The following CALN1 variants were observed in gnomAD, a reference collection of about 807,000 sequenced individuals.
CALN1 encodes the protein calneuron 1.
A neutral mutation model predicts 30.6 loss-of-function variants in CALN1; 17 were observed. That is an observed-to-expected ratio of 0.56 (90% CI 0.38 to 0.83). The LOEUF (loss-of-function observed/expected upper bound fraction) is 0.83, where lower values mean the gene tolerates loss of function less well. Among genes scored for constraint, CALN1 ranks in the 40% least tolerant of loss-of-function variants. CALN1 has a pLI of 0.00. For missense variants in CALN1, 291 were observed against 354.9 expected (o/e 0.82, Z 1.45); for synonymous variants, 156 against 131.4 (o/e 1.19, Z -1.28).
At chr7:72,100,966 G>T (rs1474539367) in intron 4 of CALN1, among the ~76,000 whole-genome samples, 1 of 151,538 alleles carries the variant, frequency 6.6e-6, no homozygotes, top group East Asian at 1.9e-4. Context: ...ATTTTTGTTT[G>T]TTTTGTTTGT....
At chr7:72,350,731 T>C (rs572156159) in intron 2 of CALN1, among the ~76,000 whole-genome samples, 4 of 152,174 alleles carry the variant, frequency 2.6e-5, no homozygotes, top group African/African-American at 7.2e-5. Context: ...CTTGCAAGAC[T>C]CAATTTACCT....
chr7:72,389,777 G>A (rs970347410), intron 2 of CALN1, among the ~76,000 whole-genome samples: 1 of 151,842 alleles, frequency 6.6e-6, no homozygotes, highest in Non-Finnish European at 1.5e-5. Context: ...AAATTAGCTA[G>A]GCACAGTGGT....
At chr7:71,967,296 G>A (rs1464867376) in intron 5 of CALN1, among the ~76,000 whole-genome samples, 2 of 151,912 alleles carry the variant, frequency 1.3e-5, no homozygotes, top group South Asian at 2.1e-4. Flanking sequence ...ATGAACACAC[G>A]AGATATAATA....
At chr7:72,493,028 T>C in the CALN1 span, among the ~76,000 whole-genome samples, 2 of 152,130 alleles carry the variant, frequency 1.3e-5, no homozygotes, top group East Asian at 3.9e-4. Flanking sequence ...AGTCCAGTGG[T>C]TTTTAGAATA....
chr7:72,088,438 C>T (rs376414957), intron 4 of CALN1, among the ~76,000 whole-genome samples: 23 of 152,200 alleles, frequency 1.5e-4, no homozygotes, highest in African/African-American at 5.5e-4. Flanking sequence ...GTGGCTCACA[C>T]CTGTAATCCC....
intron 1 of CALN1, among the ~76,000 whole-genome samples, chr7:72,408,994 T>C (rs542412690): frequency 1.3e-5 from 2 of 150,460 alleles, no homozygotes; most frequent in African/African-American, 5.0e-5. Flanking sequence ...ATACTTTTTT[T>C]GGGGCAGGGG....
chr7:71,902,269 C>CAA (rs78143653), intron 5 of CALN1, among the ~76,000 whole-genome samples: 5 of 65,218 alleles, frequency 7.7e-5, no homozygotes, highest in South Asian at 3.6e-4. Flanking sequence ...ACCAACCAAT[C>CAA]AAAAAAAAAA....
At chr7:72,169,025 C>T (rs879359385) in intron 3 of CALN1, among the ~76,000 whole-genome samples, 1 of 151,514 alleles carries the variant, frequency 6.6e-6, no homozygotes, top group African/African-American at 2.4e-5. Context: ...AGGCTGGTCT[C>T]GAACTCCTGA....
Position 71,941,920 on chromosome 7 carries a change from T to A in CALN1, c.501+81737A>T, listed in dbSNP as rs1371150740. ...AGGGACATAAAAAAGTCAACTGGGC[T>A]GGGCCCGGTAGCTCACGCCTGTAAT... On this transcript the variant is annotated intron_variant, in intron 5 of 6. Coordinates refer to ENST00000395275, the MANE Select transcript of CALN1 (RefSeq NM_031468.4). Among the ~76,000 whole-genome samples, 4 of 152,116 alleles carry A rather than the reference T, an allele frequency of 2.6e-5. No homozygotes were observed. In the East Asian group the frequency reaches 7.7e-4, roughly 29 times the overall value.
rs56041427 is a variant in CALN1 at position 71,851,208 on chromosome 7, A to AACACACACACAC, written c.502-40728_502-40717dup. Among the ~76,000 whole-genome samples the AACACACACACAC allele has an allele frequency of 3.2e-3, 426 of 132,164 alleles. 3 individuals are homozygous for AACACACACACAC. The highest frequency in any genetic ancestry group is 5.0e-3 in the Admixed American group (63 of 12,564). The allele number at this position is 132,164 out of a possible 152,430, so 86.7% of individuals were successfully genotyped here. A position where few individuals can be genotyped will look rare whatever the true frequency, so the allele number is the denominator to read the frequency against. On this transcript the variant is annotated intron_variant, in intron 5 of 6. Transcript: ENST00000395275. ...GGCGACAGAGAGAGACCTTGTCTCA[A>AACACACACACAC]ACACACACACACACACACACACACA...
chr7:72,137,074 C>T (rs376912486), intron 3 of CALN1, among the ~76,000 whole-genome samples: 6 of 152,248 alleles, frequency 3.9e-5, no homozygotes, highest in East Asian at 3.9e-4. Context: ...GCCCTTCTCT[C>T]TTACACACTA....
At chr7:72,353,738 G>A (rs1209687248) in intron 2 of CALN1, among the ~76,000 whole-genome samples, 2 of 152,094 alleles carry the variant, frequency 1.3e-5, no homozygotes, top group Non-Finnish European at 2.9e-5. Context: ...AATGCATCCC[G>A]ATTGGTAAGT....
At chr7:71,813,153 T>C (rs769380647) in intron 5 of CALN1, among the ~76,000 whole-genome samples, 8 of 150,106 alleles carry the variant, frequency 5.3e-5, no homozygotes, top group Non-Finnish European at 1.2e-4. Flanking sequence ...CTGGCTATGT[T>C]GCCTGCCTCA....
At chr7:71,878,628 G>A (rs1792389407) in intron 5 of CALN1, among the ~76,000 whole-genome samples, 1 of 152,128 alleles carries the variant, frequency 6.6e-6, no homozygotes, top group African/African-American at 2.4e-5. Context: ...TACCTGACAT[G>A]AACACCACAG....
chr7:71,970,709 A>G (rs1797751847), intron 5 of CALN1, among the ~76,000 whole-genome samples: 1 of 152,156 alleles, frequency 6.6e-6, no homozygotes, highest in Non-Finnish European at 1.5e-5. Context: ...CACTTAGGCA[A>G]TAAAGCTCGT....
intron 5 of CALN1, among the ~76,000 whole-genome samples, chr7:72,017,050 G>A (rs968132534): frequency 7.0e-6 from 1 of 143,206 alleles, no homozygotes; most frequent in South Asian, 2.2e-4. Context: ...TGTAGTCCCA[G>A]CTACTTGGGA....
chr7:72,088,582 C>G (rs371257740), intron 4 of CALN1, among the ~76,000 whole-genome samples: 131 of 151,714 alleles, frequency 8.6e-4, no homozygotes, highest in African/African-American at 3.0e-3. Flanking sequence ...GCCTGTAATC[C>G]GACCTACTCG....
At chr7:72,236,872 G>C (rs762866691) in intron 3 of CALN1, among the ~76,000 whole-genome samples, 17 of 152,156 alleles carry the variant, frequency 1.1e-4, no homozygotes, top group Non-Finnish European at 2.4e-4. Context: ...GGATAGATTT[G>C]TGTCCTAGGA....
At chr7:72,084,816 C>T (rs1284783326) in intron 4 of CALN1, among the ~76,000 whole-genome samples, 1 of 152,124 alleles carries the variant, frequency 6.6e-6, no homozygotes, top group Non-Finnish European at 1.5e-5. Flanking sequence ...TTCAGTTACC[C>T]CTTGGTTAAC....
Sources: allele counts gnomAD v4.1 joint callset (sites outside exome capture counted in the v4.1 genomes callset), GRCh38; gene constraint gnomAD v4.1.1; transcripts MANE v1.5; gene names NCBI Gene and HGNC (gene_info 2026-07-23, HGNC 2026-07-21).